The following VPS13C variants were observed in gnomAD, a reference collection of about 807,000 sequenced individuals.
VPS13C encodes vacuolar protein sorting 13 homolog C.
VPS13C carries 358 observed loss-of-function variants against 456.8 expected under a neutral mutation model. The observed-to-expected ratio is 0.78, with a 90% CI of 0.72 to 0.86. VPS13C has a LOEUF of 0.86. Among genes scored for constraint, VPS13C ranks in the 40% least tolerant of loss-of-function variants. The probability of loss-of-function intolerance (pLI) is 0.00; values close to 1 mark genes in which losing one functional copy is unlikely to be tolerated. For missense variants in VPS13C, 4,818 were observed against 4,385.4 expected (o/e 1.10, Z -2.79); for synonymous variants, 1,578 against 1,486.7 (o/e 1.06, Z -1.41).
intron 66 of VPS13C, among the ~76,000 whole-genome samples, chr15:61,897,896 C>T (rs1204210520): frequency 2.0e-5 from 3 of 152,148 alleles, no homozygotes; most frequent in Non-Finnish European, 4.4e-5. Flanking sequence ...AGACTAACAG[C>T]GGATCGCTCG....
Position 61,917,648 on chromosome 15 carries a change from G to C in VPS13C, c.7761-13C>G, listed in dbSNP as rs373352581. On this transcript the variant is annotated splice_polypyrimidine_tract_variant and intron_variant, in intron 59 of 84. Coordinates refer to ENST00000644861, the MANE Select transcript of VPS13C (RefSeq NM_020821.3). ...AAACAATTGACATCTGCAGAAAGAG[G>C]AAACAGTGACAATAAAGTTTTGATC... The C allele has an allele frequency of 6.2e-6, 10 of 1,601,808 alleles. No individual in the cohort carries two copies. In the East Asian group the frequency reaches 1.8e-4, roughly 29 times the overall value.
Position 62,023,417 on chromosome 15 carries a change from T to C in VPS13C, c.618A>G (p.Glu206=). ...VKITDIHIKY[E]DDVTDPKRPL... ...GTAAATAAAAATTACTTACATCATCTTCATATTTAATGTGAATATCTGTGA... is the reference window on the plus strand; with the variant it reads ...GTAAATAAAAATTACTTACATCATCCTCATATTTAATGTGAATATCTGTGA... The change falls in exon 8 of 85, where the codon GAA becomes GAG. Residue 206 remains glutamate (E), a synonymous_variant. Coordinates refer to ENST00000644861, the MANE Select transcript of VPS13C (RefSeq NM_020821.3). 1 of 1,495,566 alleles carries C rather than the reference T, an allele frequency of 6.7e-7. No homozygotes were observed. Among genetic ancestry groups the C allele is most frequent in the Non-Finnish European group, 9.0e-7 (1 of 1,111,612 alleles). 92.6% of individuals were successfully genotyped at this position (1,495,566 alleles called of 1,614,324 possible).
chr15:61,933,082 T>G (rs1380850830), intron 49 of VPS13C, among the ~76,000 whole-genome samples: 2 of 152,082 alleles, frequency 1.3e-5, no homozygotes, highest in Non-Finnish European at 2.9e-5. Context: ...GAGTTTCAAA[T>G]AAAGCAGCAG....
chr15:61,869,513 G>A lies in VPS13C; in HGVS notation c.10735C>T (p.Gln3579Ter). 1.2e-6 allele frequency: 2 copies of A among 1,614,040 alleles called. No individual in the cohort carries two copies. Among genetic ancestry groups the A allele is most frequent in the Non-Finnish European group, 1.7e-6 (2 of 1,179,996 alleles). The stretch of plus-strand genomic sequence containing the variant: ...GTACTCAATTACCTCTGAATGCCTT[G>A]GAAGGTACTACTGGCCATATCTACG... ...GIVDMASSTFQGIQRAAESTE... is the reference protein window; with the variant it reads ...GIVDMASSTF The change falls in exon 80 of 85, where the codon CAA becomes TAA. Residue 3579 changes from glutamine (Q) to a stop codon, truncating the protein, a stop_gained. Transcript: ENST00000644861. LOFTEE classifies it high-confidence loss of function.
chr15:62,021,360 A>G (rs189735687), intron 8 of VPS13C, among the ~76,000 whole-genome samples: 1 of 152,044 alleles, frequency 6.6e-6, no homozygotes, highest in Admixed American at 6.6e-5. Context: ...TGTTCTTAAC[A>G]CTTCAAAATG....
chr15:62,012,115 T>C lies in VPS13C; in HGVS notation c.875A>G (p.Tyr292Cys), dbSNP rs750629769. 1.8e-5 allele frequency: 27 copies of C among 1,521,340 alleles called. No individual in the cohort carries two copies. The highest frequency in any genetic ancestry group is 2.3e-5 in the East Asian group (1 of 43,988). 94.2% of individuals were successfully genotyped at this position (1,521,340 alleles called of 1,614,324 possible). Residue 292 changes from tyrosine (Y) to cysteine (C), a missense_variant, in exon 12 of 85, where the codon TAT becomes TGT. Physicochemically the swap from Tyr to Cys is radical, Grantham distance 194. This residue lies in a region of VPS13C where 4,552 missense variants were observed against 4,130.6 expected (regional missense o/e 1.10). Coordinates refer to ENST00000644861, the MANE Select transcript of VPS13C (RefSeq NM_020821.3). ...CTTTTACTATTACTTACTGTATTGA[T>C]AATTTGGGGGTATATTTCCACTTGT... ...ILTSGNIPPN[Y>C]QYIFQPISAS...
chr15:62,012,373 C>G (rs2047075708), intron 11 of VPS13C, among the ~76,000 whole-genome samples: 1 of 151,812 alleles, frequency 6.6e-6, no homozygotes, highest in Non-Finnish European at 1.5e-5. Flanking sequence ...TTTAAGAATT[C>G]TGTATGTCTA....
At chr15:62,040,898 A>G (rs1039798597) in intron 3 of VPS13C, among the ~76,000 whole-genome samples, 2 of 152,184 alleles carry the variant, frequency 1.3e-5, no homozygotes, top group Non-Finnish European at 2.9e-5. Flanking sequence ...CATATCCTCC[A>G]TACCACATTG....
chr15:61,952,551 C>T (rs2044837218), intron 38 of VPS13C, among the ~76,000 whole-genome samples: 1 of 152,020 alleles, frequency 6.6e-6, no homozygotes, highest in South Asian at 2.1e-4. Context: ...AGTATATCTG[C>T]AAATAGAATG....
chr15:61,935,133 G>T lies in VPS13C; in HGVS notation c.5756-802C>A, dbSNP rs78163476. Among the ~76,000 whole-genome samples the T allele has an allele frequency of 1.1e-3, 166 of 152,244 alleles. No individual in the cohort carries two copies. The East Asian group carries it at 0.029, about 27-fold the overall frequency. On this transcript the variant is annotated intron_variant, in intron 48 of 84. Coordinates refer to ENST00000644861, the MANE Select transcript of VPS13C (RefSeq NM_020821.3). The stretch of plus-strand genomic sequence containing the variant: ...TATAACTCAATAGCAAAATCAAACA[G>T]AGTTCACATATGATGCAGGGGAAAG...
At chr15:61,897,478 G>T (rs942393213) in intron 66 of VPS13C, among the ~76,000 whole-genome samples, 2 of 152,148 alleles carry the variant, frequency 1.3e-5, no homozygotes, top group African/African-American at 4.8e-5. Context: ...GAGCCGATGC[G>T]ATCAACTGGA....
intron 3 of VPS13C, among the ~76,000 whole-genome samples, chr15:62,036,103 G>A (rs1474991522): frequency 6.6e-6 from 1 of 151,834 alleles, no homozygotes; most frequent in Non-Finnish European, 1.5e-5. Flanking sequence ...AGTTTTACAT[G>A]TTCCAAAATA....
rs2045120550 is a variant in VPS13C, at chr15:61,959,472, A to C, written c.4032T>G (p.Ile1344Met). 1.9e-6 allele frequency: 3 copies of C among 1,611,860 alleles called. No individual in the cohort carries two copies. Among genetic ancestry groups the C allele is most frequent in the South Asian group, 1.1e-5 (1 of 90,882 alleles). ...SWYHKVPVVE[I>M]KGHLDSMNVS... is the part of the protein sequence containing the mutation. ...CATTCATTGAATCAAGATGTCCTTT[A>C]ATTTCCACAACAGGCACCTTGTGGT... Residue 1344 changes from isoleucine (I) to methionine (M), a missense_variant, in exon 36 of 85, where the codon ATT (isoleucine) becomes ATG (methionine). Transcript: ENST00000644861.
At position 61,854,883 on chromosome 15, in the gene VPS13C, G is replaced by C; in HGVS notation, c.11148C>G (p.Thr3716=). ...TTAAATTGTTTACCTCTGCTGTGGC[G>C]GTGTCCTTCAGGTAAACTTTTCGAA... ...GCVRKVYLKD[T]ATAERACNAI... Residue 3716 remains threonine, a synonymous_variant, in exon 84 of 85, where the codon ACC becomes ACG. Transcript: ENST00000644861. 1.9e-6 allele frequency: 3 copies of C among 1,612,598 alleles called. No homozygotes were observed. The highest frequency in any genetic ancestry group is 2.5e-6 in the Non-Finnish European group (3 of 1,179,512).
intron 15 of VPS13C, among the ~76,000 whole-genome samples, chr15:62,002,339 G>A (rs1244059248): frequency 2.6e-5 from 4 of 152,104 alleles, no homozygotes; most frequent in Non-Finnish European, 5.9e-5. Flanking sequence ...GTCTGTTCAT[G>A]TCCTTTGCCC....
intron 4 of VPS13C, 48 bp from the exon 5 acceptor site, chr15:62,033,590 T>C: frequency 7.4e-7 from 1 of 1,357,666 alleles, no homozygotes; most frequent in South Asian, 1.4e-5. Flanking sequence ...AATTAATAAA[T>C]AAACAAACGG....
At chr15:61,913,779 A>G (rs2043375459) in intron 61 of VPS13C, among the ~76,000 whole-genome samples, 2 of 152,224 alleles carry the variant, frequency 1.3e-5, no homozygotes, top group African/African-American at 4.8e-5. Context: ...AAGTCTTAGC[A>G]TAAAGAGAAT....
intron 47 of VPS13C, among the ~76,000 whole-genome samples, chr15:61,937,521 C>T (rs2044268514): frequency 6.6e-6 from 1 of 152,170 alleles, no homozygotes; most frequent in Admixed American, 6.5e-5. Context: ...GTCGCCCAGG[C>T]TAGAGTGCAG....
chr15:62,015,321 G>A (rs2047193834), intron 9 of VPS13C, among the ~76,000 whole-genome samples: 1 of 152,074 alleles, frequency 6.6e-6, no homozygotes, highest in African/African-American at 2.4e-5. Flanking sequence ...TCACTCTGAT[G>A]GTAGTTTCTT....
Sources: allele counts gnomAD v4.1 joint callset (sites outside exome capture counted in the v4.1 genomes callset), GRCh38; gene constraint gnomAD v4.1.1; regional missense constraint gnomAD v4.1.1; transcripts MANE v1.5; gene names NCBI Gene and HGNC (gene_info 2026-07-23, HGNC 2026-07-21).